The following STAG1 variants were observed in gnomAD, a reference collection of about 807,000 sequenced individuals.
STAG1 encodes the protein cohesin subunit SA-1.
STAG1 carries 26 observed loss-of-function variants against 170.9 expected under a neutral mutation model. The ratio of observed to expected loss-of-function variants is 0.15; its 90% CI spans 0.11 to 0.21. The LOEUF (loss-of-function observed/expected upper bound fraction) is 0.21, where lower values mean the gene tolerates loss of function less well. Among genes scored for constraint, STAG1 ranks in the 10% least tolerant of loss-of-function variants. STAG1 has a pLI of 1.00. For missense variants in STAG1, 964 were observed against 1,509.5 expected (o/e 0.64, Z 5.99); for synonymous variants, 514 against 497.7 (o/e 1.03, Z -0.44).
intron 13 of STAG1, among the ~76,000 whole-genome samples, chr3:136,462,805 A>G (rs1443870249): frequency 2.0e-5 from 3 of 152,226 alleles, no homozygotes; most frequent in Admixed American, 6.5e-5. Flanking sequence ...ATCAATTTTT[A>G]AAAGTATAAA....
chr3:136,376,092 T>C (rs1307970212), intron 23 of STAG1, among the ~76,000 whole-genome samples: 1 of 110,912 alleles, frequency 9.0e-6, no homozygotes, highest in Non-Finnish European at 2.1e-5. Context: ...TCTCCATAAG[T>C]AGTGTTCTGA....
At chr3:136,556,642 G>A (rs951545032) in intron 5 of STAG1, among the ~76,000 whole-genome samples, 1 of 151,796 alleles carries the variant, frequency 6.6e-6, no homozygotes, top group Non-Finnish European at 1.5e-5. Flanking sequence ...GAGTACAATG[G>A]TGTGACCACA....
At chr3:136,615,557 T>C (rs1939548783) in intron 3 of STAG1, among the ~76,000 whole-genome samples, 1 of 149,980 alleles carries the variant, frequency 6.7e-6, no homozygotes, top group Non-Finnish European at 1.5e-5. Flanking sequence ...GGCAGGCAGA[T>C]CACGAGGTCA....
intron 13 of STAG1, among the ~76,000 whole-genome samples, chr3:136,463,737 G>GTT: frequency 1.8e-5 from 1 of 55,834 alleles, no homozygotes; most frequent in South Asian, 8.6e-4. Flanking sequence ...ATGTGTATAT[G>GTT]TGTGTGTGTG....
At chr3:136,639,482 A>G (rs1940710833) in intron 1 of STAG1, among the ~76,000 whole-genome samples, 1 of 152,232 alleles carries the variant, frequency 6.6e-6, no homozygotes, top group East Asian at 1.9e-4. Flanking sequence ...ACTCATACAA[A>G]TAAGAATTGT....
intron 1 of STAG1, among the ~76,000 whole-genome samples, chr3:136,693,044 C>T (rs924937454): frequency 5.9e-5 from 9 of 152,118 alleles, no homozygotes; most frequent in Non-Finnish European, 1.3e-4. Flanking sequence ...AGTGAACTAT[C>T]CAGTTTATCA....
chr3:136,526,784 C>G (rs949767997), intron 6 of STAG1, among the ~76,000 whole-genome samples: 4 of 152,118 alleles, frequency 2.6e-5, no homozygotes, highest in Non-Finnish European at 5.9e-5. Context: ...GTAGGGCAGG[C>G]TTGGTGGTGA....
chr3:136,717,446 T>G (rs1438234938), intron 1 of STAG1, among the ~76,000 whole-genome samples: 1 of 152,138 alleles, frequency 6.6e-6, no homozygotes, highest in Non-Finnish European at 1.5e-5. Context: ...GGTGGATCAC[T>G]TGAGACCAGG....
In STAG1 at chr3:136,473,548, G is replaced by C; in HGVS notation, c.1116C>G (p.Asn372Lys). 6.2e-7 allele frequency: 1 copy of C among 1,605,344 alleles called. No individual in the cohort carries two copies. The highest frequency in any genetic ancestry group is 8.5e-7 in the Non-Finnish European group (1 of 1,173,828). The change falls in exon 11 of 34, where the codon AAC becomes AAG. Residue 372 changes from asparagine (N) to lysine (K), a missense_variant. By Grantham distance (94) the Asn-to-Lys change is moderately conservative. Coordinates refer to ENST00000383202, the MANE Select transcript of STAG1 (RefSeq NM_005862.3). ...CATTCTTGATGCTTACCTTGAATCG[G>C]TTAGTGAATAGTTCCAATTTGGGGA... Reference protein sequence around the residue: ...ELFPKLELFTNRFKDRIVSMT... With the variant: ...ELFPKLELFTKRFKDRIVSMT...
chr3:136,518,362 T>G, intron 7 of STAG1: 1 of 701,286 alleles, frequency 1.4e-6, no homozygotes, highest in South Asian at 1.5e-5. Context: ...ACATAGTCTT[T>G]GAAGCAGAGG....
chr3:136,447,838 C>T (rs1358296417), intron 14 of STAG1, among the ~76,000 whole-genome samples: 3 of 151,950 alleles, frequency 2.0e-5, no homozygotes, highest in Non-Finnish European at 4.4e-5. Flanking sequence ...AGGATGGTCT[C>T]GATCTCCTGA....
chr3:136,484,999 C>T (rs1319440204), intron 9 of STAG1, among the ~76,000 whole-genome samples: 1 of 152,204 alleles, frequency 6.6e-6, no homozygotes, highest in Admixed American at 6.5e-5. Flanking sequence ...TGAGATGAAC[C>T]CGGTACCTCA....
intron 5 of STAG1, among the ~76,000 whole-genome samples, chr3:136,550,687 A>T (rs1360742791): frequency 6.6e-6 from 1 of 152,122 alleles, no homozygotes; most frequent in Non-Finnish European, 1.5e-5. Flanking sequence ...AGATTATCCA[A>T]TTTATTGGTG....
intron 29 of STAG1, among the ~76,000 whole-genome samples, chr3:136,345,602 TAA>T (rs1936191623): frequency 1.3e-5 from 2 of 152,192 alleles, no homozygotes; most frequent in East Asian, 3.9e-4. Context: ...TTTCTACCTA[TAA>T]AAATTCTAAA....
intron 22 of STAG1, among the ~76,000 whole-genome samples, chr3:136,387,152 T>C (rs1187122223): frequency 1.3e-5 from 2 of 152,238 alleles, no homozygotes; most frequent in Non-Finnish European, 2.9e-5. Context: ...GGCAAACTTT[T>C]TGTGTTAAGG....
intron 9 of STAG1, among the ~76,000 whole-genome samples, chr3:136,498,446 A>G (rs1456701600): frequency 6.6e-6 from 1 of 151,450 alleles, no homozygotes; most frequent in Non-Finnish European, 1.5e-5. Context: ...ATTCTAGAAA[A>G]TGTAAATAAT....
At chr3:136,669,739 T>C (rs373555631) in intron 1 of STAG1, among the ~76,000 whole-genome samples, 2 of 152,192 alleles carry the variant, frequency 1.3e-5, no homozygotes. Flanking sequence ...AAATTTTGTG[T>C]TTAAAAAACA....
chr3:136,378,777 C>T (rs1389764259), intron 22 of STAG1, among the ~76,000 whole-genome samples: 6 of 152,090 alleles, frequency 3.9e-5, no homozygotes, highest in East Asian at 1.9e-4. Flanking sequence ...TAATTATTAG[C>T]GAGGGGTTGA....
chr3:136,728,561 A>G (rs1933821088), intron 1 of STAG1, among the ~76,000 whole-genome samples: 1 of 152,180 alleles, frequency 6.6e-6, no homozygotes, highest in African/African-American at 2.4e-5. Context: ...TAGGGATTAC[A>G]TGAGTCAATA....
Sources: allele counts gnomAD v4.1 joint callset (sites outside exome capture counted in the v4.1 genomes callset), GRCh38; gene constraint gnomAD v4.1.1; transcripts MANE v1.5; gene names NCBI Gene and HGNC (gene_info 2026-07-23, HGNC 2026-07-21).